The following SH3BGRL variants were observed in gnomAD, a reference collection of about 807,000 sequenced individuals.
SH3BGRL encodes the protein adapter SH3BGRL.
In SH3BGRL, 7 loss-of-function variants were observed where a neutral mutation model predicts 9.8. That is an observed-to-expected ratio of 0.72 (90% CI 0.41 to 1.35). The LOEUF (loss-of-function observed/expected upper bound fraction) is 1.35, where lower values mean the gene tolerates loss of function less well. Ranked by LOEUF, SH3BGRL falls within the 40% of genes most tolerant of loss-of-function variation. The pLI is 0.01. For missense variants in SH3BGRL, 73 were observed against 84.4 expected, an observed-to-expected ratio of 0.86 and a Z score of 0.53; for synonymous variants, 36 against 29.1, an observed-to-expected ratio of 1.24 and a Z score of -0.76.
Position 81,278,496 on chromosome X carries a change from G to A in SH3BGRL, c.312+85G>A, listed in dbSNP as rs1217290804. The A allele has an allele frequency of 6.6e-6, 4 of 609,539 alleles. No homozygotes were observed. In the African/African-American group the frequency reaches 7.0e-5, roughly 11 times the overall value. 50.2% of individuals were successfully genotyped at this position (609,539 alleles called of 1,213,427 possible). A position where few individuals can be genotyped will look rare whatever the true frequency, so the allele number is the denominator to read the frequency against. On this transcript the variant is annotated intron_variant, in intron 3 of 3. Transcript: ENST00000373212. Reference sequence around the variant, plus strand: ...TCAGTAAGATTTTCATTTTTGTTAAGTATTCAAATTAAGTCAGAGACAATC... The same window carrying A: ...TCAGTAAGATTTTCATTTTTGTTAAATATTCAAATTAAGTCAGAGACAATC...
intron 1 of SH3BGRL, among the ~76,000 whole-genome samples, chrX:81,222,006 A>G (rs976389242): frequency 1.6e-4 from 18 of 111,896 alleles, no homozygotes; most frequent in African/African-American, 5.2e-4. Flanking sequence ...GAATTGTCCC[A>G]GAAATATTAT....
intron 1 of SH3BGRL, among the ~76,000 whole-genome samples, chrX:81,223,476 G>T (rs1421233005): frequency 1.8e-5 from 2 of 110,882 alleles, no homozygotes; most frequent in Non-Finnish European, 3.8e-5. Context: ...CAACTCTGTA[G>T]AGAACAAGGC....
rs762365994 is a variant in SH3BGRL at position 81,290,306 on chromosome X, G to A, written c.313-6889G>A. Among the ~76,000 whole-genome samples, 6 of 112,115 alleles carry A rather than the reference G, an allele frequency of 5.4e-5. No individual in the cohort carries two copies. The Admixed American group carries it at 5.7e-4, about 11-fold the overall frequency. The stretch of plus-strand genomic sequence containing the variant: ...GTTTGTTGCCACACTGTACACAATA[G>A]CCAAGATTTGGAAGTAACCTAAGTG... On this transcript the variant is annotated intron_variant, in intron 3 of 3. Transcript: ENST00000373212.
intron 1 of SH3BGRL, among the ~76,000 whole-genome samples, chrX:81,258,373 C>G (rs1032745002): frequency 8.9e-6 from 1 of 112,095 alleles, no homozygotes; most frequent in Admixed American, 9.5e-5. Flanking sequence ...CAGAATTCTG[C>G]CGTCTTTTGG....
intron 1 of SH3BGRL, among the ~76,000 whole-genome samples, chrX:81,271,618 G>A (rs1249958377): frequency 9.0e-6 from 1 of 111,369 alleles, no homozygotes; most frequent in African/African-American, 3.3e-5. Flanking sequence ...ATCTACGTCT[G>A]ATTGGTGTAC....
In SH3BGRL at chrX:81,220,397, A is replaced by G. The variant is rs184200051; in HGVS notation, c.45+18152A>G. On this transcript the variant is annotated intron_variant, in intron 1 of 3. Coordinates refer to ENST00000373212, the MANE Select transcript of SH3BGRL (RefSeq NM_003022.3). ...TCAATTTCTTCTGGGTTTTCCAATTAATTGGCATATAGTTGCTCATAGTAG... is the reference window on the plus strand; with the variant it reads ...TCAATTTCTTCTGGGTTTTCCAATTGATTGGCATATAGTTGCTCATAGTAG... 5.7e-3 allele frequency among the ~76,000 whole-genome samples: 637 copies of G among 111,168 alleles called. 7 individuals carry two copies. Among genetic ancestry groups the G allele is most frequent in the African/African-American group, 0.02 (604 of 30,701 alleles).
At chrX:81,218,888 T>A (rs2147671384) in intron 1 of SH3BGRL, among the ~76,000 whole-genome samples, 1 of 109,028 alleles carries the variant, frequency 9.2e-6, no homozygotes, top group East Asian at 2.9e-4. Context: ...TGATGTTACA[T>A]TTGGAAAAAC....
At chrX:81,215,015 A>T (rs1237392542) in intron 1 of SH3BGRL, among the ~76,000 whole-genome samples, 3 of 111,399 alleles carry the variant, frequency 2.7e-5, no homozygotes, top group African/African-American at 9.8e-5. Context: ...GAAAATTGGT[A>T]GGCAGATCAC....
At chrX:81,222,249 G>A (rs1352208774) in intron 1 of SH3BGRL, among the ~76,000 whole-genome samples, 3 of 109,694 alleles carry the variant, frequency 2.7e-5, no homozygotes, top group Non-Finnish European at 5.7e-5. Context: ...GTATACATGT[G>A]CCATGTTGGT....
chrX:81,228,292 C>T (rs144155332), intron 1 of SH3BGRL, among the ~76,000 whole-genome samples: 3,220 of 111,408 alleles, frequency 0.029, 52 homozygotes, highest in Non-Finnish European at 0.042. Flanking sequence ...TACATTGGTT[C>T]GGTCCAGAAA....
chrX:81,287,488 T>C (rs1386893099), intron 3 of SH3BGRL, among the ~76,000 whole-genome samples: 1 of 112,023 alleles, frequency 8.9e-6, no homozygotes, highest in Non-Finnish European at 1.9e-5. Context: ...AAAATGTTTA[T>C]CAGTAAATAA....
At chrX:81,296,516 C>G (rs1602634955) in intron 3 of SH3BGRL, among the ~76,000 whole-genome samples, 1 of 111,149 alleles carries the variant, frequency 9.0e-6, no homozygotes, top group Admixed American at 9.6e-5. Flanking sequence ...AGTATCAGTC[C>G]TCCTGAGACT....
chrX:81,218,777 A>C (rs1183704757), intron 1 of SH3BGRL, among the ~76,000 whole-genome samples: 3 of 95,488 alleles, frequency 3.1e-5, no homozygotes, highest in Non-Finnish European at 6.4e-5. Context: ...ATATATACAC[A>C]TATATATCTG....
chrX:81,250,244 C>G (rs2075704895), intron 1 of SH3BGRL, among the ~76,000 whole-genome samples: 1 of 107,821 alleles, frequency 9.3e-6, no homozygotes, highest in Non-Finnish European at 1.9e-5. Context: ...ACTAAAAATA[C>G]AAAAAATTAG....
rs188250869 is a variant in SH3BGRL at position 81,215,801 on chromosome X, C to T, written c.45+13556C>T. Among the ~76,000 whole-genome samples the T allele has an allele frequency of 2.5e-3, 277 of 111,837 alleles. 1 individual carries two copies. Among genetic ancestry groups the T allele is most frequent in the African/African-American group, 8.6e-3 (264 of 30,802 alleles). On this transcript the variant is annotated intron_variant, in intron 1 of 3. Coordinates refer to ENST00000373212, the MANE Select transcript of SH3BGRL (RefSeq NM_003022.3). The stretch of plus-strand genomic sequence containing the variant: ...CTGTTACCCAATTTTCTTGCCATTT[C>T]ACTAGACAGAAGTGTGGAAAGTAGA...
At chrX:81,290,696 G>A (rs1254919464) in intron 3 of SH3BGRL, among the ~76,000 whole-genome samples, 1 of 110,516 alleles carries the variant, frequency 9.0e-6, no homozygotes, top group African/African-American at 3.3e-5. Context: ...TAAATTAATT[G>A]TATACTTTAA....
intron 1 of SH3BGRL, among the ~76,000 whole-genome samples, chrX:81,274,389 G>C (rs1374873520): frequency 9.0e-6 from 1 of 110,872 alleles, no homozygotes; most frequent in Non-Finnish European, 1.9e-5. Context: ...AAGTTGGACA[G>C]ATCATGAGGT....
chrX:81,245,910 C>T (rs993094156), intron 1 of SH3BGRL, among the ~76,000 whole-genome samples: 5 of 112,144 alleles, frequency 4.5e-5, no homozygotes, highest in African/African-American at 1.6e-4. Flanking sequence ...CTGCTTTCCA[C>T]AGTAGCTGAA....
intron 1 of SH3BGRL, among the ~76,000 whole-genome samples, chrX:81,260,522 T>C (rs2075738037): frequency 9.0e-6 from 1 of 111,083 alleles, no homozygotes; most frequent in Non-Finnish European, 1.9e-5. Context: ...GAGAGAGACT[T>C]AATACATATA....
Sources: gnomAD v4.1 joint callset for allele counts (sites outside exome capture counted in the v4.1 genomes callset) on GRCh38, gnomAD v4.1.1 for gene constraint, MANE v1.5 for transcripts, NCBI Gene and HGNC (gene_info 2026-07-23, HGNC 2026-07-21) for gene names.